Variants in FBXL7 observed in about 807,000 individuals in gnomAD.
The protein encoded by FBXL7 is F-box/LRR-repeat protein 7.
FBXL7 carries 12 observed loss-of-function variants against 38.3 expected under a neutral mutation model. That is an observed-to-expected ratio of 0.31 (90% CI 0.20 to 0.51). The LOEUF is 0.51. FBXL7 is among the 20% of genes least tolerant of loss of function. The probability of loss-of-function intolerance (pLI) is 0.98; values close to 1 mark genes in which losing one functional copy is unlikely to be tolerated. For missense variants in FBXL7, 567 were observed against 676.4 expected (o/e 0.84, Z 1.79); for synonymous variants, 297 against 300.9 (o/e 0.99, Z 0.13).
In FBXL7 at chr5:15,770,844, C is replaced by T. The variant is rs533165747; in HGVS notation, c.127+154772C>T. The stretch of plus-strand genomic sequence containing the variant: ...CCTGGCTCTAATCCCCTTCCTTTCT[C>T]GCTACACCACACAGCCTCTGTTTGA... On this transcript the variant is annotated intron_variant, in intron 2 of 3. Transcript: ENST00000504595. Among the ~76,000 whole-genome samples, 4 of 152,260 alleles carry T rather than the reference C, an allele frequency of 2.6e-5. No homozygotes were observed. In the South Asian group the frequency reaches 8.3e-4, roughly 32 times the overall value.
At chr5:15,853,877 A>C (rs1382423076) in intron 2 of FBXL7, among the ~76,000 whole-genome samples, 1 of 152,216 alleles carries the variant, frequency 6.6e-6, no homozygotes, top group African/African-American at 2.4e-5. Context: ...TTCAGTACAC[A>C]GCTCTAAATT....
chr5:15,698,464 C>A (rs190097695), intron 2 of FBXL7, among the ~76,000 whole-genome samples: 7 of 152,242 alleles, frequency 4.6e-5, no homozygotes, highest in South Asian at 2.1e-4. Flanking sequence ...ATCTAAAGAC[C>A]TTTTATTTTG....
At chr5:15,850,706 C>T (rs1486943378) in intron 2 of FBXL7, among the ~76,000 whole-genome samples, 1 of 152,190 alleles carries the variant, frequency 6.6e-6, no homozygotes, top group African/African-American at 2.4e-5. Context: ...GGACATGTTC[C>T]CATTACCCAT....
chr5:15,887,429 C>T (rs892889651), intron 2 of FBXL7, among the ~76,000 whole-genome samples: 2 of 152,134 alleles, frequency 1.3e-5, no homozygotes, highest in Non-Finnish European at 2.9e-5. Context: ...AATTCCCCTA[C>T]ATGTCAAAAA....
chr5:15,601,015 C>G (rs373644131), intron 1 of FBXL7, among the ~76,000 whole-genome samples: 3 of 152,306 alleles, frequency 2.0e-5, no homozygotes, highest in African/African-American at 7.2e-5. Context: ...TCCCAAAATC[C>G]TGCAAGAAGT....
chr5:15,505,703 C>T (rs1410093512), intron 1 of FBXL7, among the ~76,000 whole-genome samples: 1 of 152,120 alleles, frequency 6.6e-6, no homozygotes, highest in Non-Finnish European at 1.5e-5. Context: ...GAGCAGGCAC[C>T]ATGAGCCTTA....
At chr5:15,523,155 G>A (rs973618557) in intron 1 of FBXL7, among the ~76,000 whole-genome samples, 4 of 152,212 alleles carry the variant, frequency 2.6e-5, no homozygotes, top group Admixed American at 6.5e-5. Context: ...GAGGATTTAA[G>A]TTAGGGTAAA....
At chr5:15,559,749 G>T (rs149124069) in intron 1 of FBXL7, among the ~76,000 whole-genome samples, 1 of 152,238 alleles carries the variant, frequency 6.6e-6, no homozygotes, top group Non-Finnish European at 1.5e-5. Context: ...TAGCATGTGT[G>T]TAATTGCTTT....
intron 2 of FBXL7, among the ~76,000 whole-genome samples, chr5:15,720,726 C>T (rs1361056449): frequency 2.0e-5 from 3 of 147,654 alleles, no homozygotes; most frequent in African/African-American, 7.4e-5. Flanking sequence ...TCATCAGCTA[C>T]CATATGTATT....
chr5:15,926,653 C>T (rs1339176914), intron 2 of FBXL7, among the ~76,000 whole-genome samples: 1 of 152,022 alleles, frequency 6.6e-6, no homozygotes, highest in Non-Finnish European at 1.5e-5. Context: ...CTGCTGTGTC[C>T]TTATCAGCGA....
At chr5:15,572,192 C>T (rs1412283135) in intron 1 of FBXL7, among the ~76,000 whole-genome samples, 1 of 151,944 alleles carries the variant, frequency 6.6e-6, no homozygotes, top group Non-Finnish European at 1.5e-5. Context: ...TTTAATCTTC[C>T]TGAGGCTTAG....
intron 2 of FBXL7, among the ~76,000 whole-genome samples, chr5:15,842,518 C>G (rs1738777453): frequency 6.6e-6 from 1 of 152,122 alleles, no homozygotes; most frequent in African/African-American, 2.4e-5. Context: ...GTTGGGAAGG[C>G]ATGATTGGTT....
At chr5:15,848,168 G>A (rs1738972323) in intron 2 of FBXL7, among the ~76,000 whole-genome samples, 1 of 152,082 alleles carries the variant, frequency 6.6e-6, no homozygotes, top group African/African-American at 2.4e-5. Flanking sequence ...AAATATCAAA[G>A]TGTACATTGT....
rs1023801144 is a variant in FBXL7, at chr5:15,542,898, A to G, written c.37+42185A>G. Among the ~76,000 whole-genome samples, 21 of 152,208 alleles carry G rather than the reference A, an allele frequency of 1.4e-4. 1 individual carries two copies. The highest frequency in any genetic ancestry group is 1.2e-3 in the Admixed American group (19 of 15,270). ...GATCAGAGTTGTGCTTTCAGAGTAC[A>G]GAACAGCTGGTTTCCTGAACTAAAA... On this transcript the variant is annotated intron_variant, in intron 1 of 3. Transcript: ENST00000504595.
chr5:15,829,405 CTGCTATTGA>C (rs1738395897), intron 2 of FBXL7, among the ~76,000 whole-genome samples: 2 of 152,130 alleles, frequency 1.3e-5, no homozygotes, highest in South Asian at 4.1e-4. Flanking sequence ...AAAGCTGAAG[CTGCTATTGA>C]TGTGCATTTT....
chr5:15,545,339 C>T (rs763899938), intron 1 of FBXL7, among the ~76,000 whole-genome samples: 4 of 152,110 alleles, frequency 2.6e-5, no homozygotes, highest in Non-Finnish European at 4.4e-5. Context: ...ATTTTATTAG[C>T]GTATCTATTT....
rs1201201445 is a variant in FBXL7 at position 15,757,190 on chromosome 5, T to G, written c.127+141118T>G. 2.0e-5 allele frequency among the ~76,000 whole-genome samples: 3 copies of G among 152,288 alleles called. No individual in the cohort carries two copies. In the East Asian group the frequency reaches 5.8e-4, roughly 29 times the overall value. On this transcript the variant is annotated intron_variant, in intron 2 of 3. Coordinates refer to ENST00000504595, the MANE Select transcript of FBXL7 (RefSeq NM_012304.5). ...GTGTCTTACTCCTATTTCACAATCC[T>G]TTCATAGGAGAGAGAGAGAGAGTTT...
chr5:15,801,842 G>A (rs903513389), intron 2 of FBXL7, among the ~76,000 whole-genome samples: 4 of 151,524 alleles, frequency 2.6e-5, no homozygotes, highest in Non-Finnish European at 4.4e-5. Context: ...CGGGGGGGGC[G>A]GGGTTAGTTT....
In FBXL7 at chr5:15,826,607, C is replaced by T. The variant is rs983780376; in HGVS notation, c.128-101283C>T. On this transcript the variant is annotated intron_variant, in intron 2 of 3. Transcript: ENST00000504595. Reference sequence around the variant, plus strand: ...CTAATTTTTGTATTTTCAGTAAAGACGGGGTTTCACCATGTTGGCCAGGCT... The same window carrying T: ...CTAATTTTTGTATTTTCAGTAAAGATGGGGTTTCACCATGTTGGCCAGGCT... Among the ~76,000 whole-genome samples, 7 of 151,958 alleles carry T rather than the reference C, an allele frequency of 4.6e-5. No individual in the cohort carries two copies. The East Asian group carries it at 5.8e-4, about 13-fold the overall frequency.
Sources: allele counts gnomAD v4.1 joint callset (sites outside exome capture counted in the v4.1 genomes callset), GRCh38; gene constraint gnomAD v4.1.1; transcripts MANE v1.5; gene names NCBI Gene and HGNC (gene_info 2026-07-23, HGNC 2026-07-21).